The following LINGO2 variants were observed in gnomAD, a reference collection of about 807,000 sequenced individuals.
LINGO2 encodes leucine rich repeat and Ig domain containing 2, also known as leucine-rich repeat and immunoglobulin-like domain-containing nogo receptor-interacting protein 2.
In LINGO2, 14 loss-of-function variants were observed where a neutral mutation model predicts 30.6. That is an observed-to-expected ratio of 0.46 (90% confidence interval 0.30 to 0.72). The LOEUF (loss-of-function observed/expected upper bound fraction) is 0.72. Ranked by LOEUF, LINGO2 falls within the 30% of genes least tolerant of loss-of-function variation. LINGO2 has a pLI of 0.07. For synonymous variants in LINGO2, 317 were observed against 288.5 expected (o/e 1.10, Z -1.00); for missense variants, 729 against 751.7 (o/e 0.97, Z 0.35).
chr9:28,967,407 G>C, the LINGO2 span, among the ~76,000 whole-genome samples: 1 of 152,160 alleles, frequency 6.6e-6, no homozygotes, highest in Non-Finnish European at 1.5e-5. Flanking sequence ...CTAGGGGACT[G>C]AAGAAAATGA....
chr9:28,703,611 T>G, the LINGO2 span, among the ~76,000 whole-genome samples: 1 of 151,920 alleles, frequency 6.6e-6, no homozygotes, highest in African/African-American at 2.4e-5. Flanking sequence ...TTACAAGTGA[T>G]TAATTAATGG....
chr9:28,057,023 A>T (rs1169418620), intron 4 of LINGO2, among the ~76,000 whole-genome samples: 1 of 152,168 alleles, frequency 6.6e-6, no homozygotes, highest in African/African-American at 2.4e-5. Flanking sequence ...AAAATAACTA[A>T]AGAGTACCAA....
Position 27,949,142 on chromosome 9 carries a change from A to G in LINGO2, c.1530T>C (p.Tyr510=), listed in dbSNP as rs777523147. 2.5e-6 allele frequency: 4 copies of G among 1,614,028 alleles called. No individual in the cohort carries two copies. In the South Asian group the frequency reaches 3.3e-5, roughly 13 times the overall value. ...TCATGTACATAGGGGTCCTGTTCGC[A>G]TAAAGAAAACGATCTGAAGCGAATC... The change falls in exon 6 of 6, where the codon TAT becomes TAC. Residue 510 remains tyrosine (Y), a synonymous_variant. Transcript: ENST00000379992.
In LINGO2 at chr9:28,545,442, G is replaced by T. The variant is rs568351699; in HGVS notation, c.-364-69417C>A. On this transcript the variant is annotated intron_variant, in intron 1 of 5. Coordinates refer to ENST00000379992, the Ensembl canonical transcript of LINGO2. ...GGTTACCCATTTGCAACTTATGAAAGAGAGCAAAGGTAAGGGATCTGCAAA... is the reference window on the plus strand; with the variant it reads ...GGTTACCCATTTGCAACTTATGAAATAGAGCAAAGGTAAGGGATCTGCAAA... Among the ~76,000 whole-genome samples the T allele has an allele frequency of 1.1e-4, 17 of 152,158 alleles. No individual in the cohort carries two copies. In the South Asian group the frequency reaches 3.3e-3, roughly 30 times the overall value.
chr9:28,177,321 T>C (rs1157810190), intron 4 of LINGO2, among the ~76,000 whole-genome samples: 2 of 152,174 alleles, frequency 1.3e-5, no homozygotes, highest in Non-Finnish European at 1.5e-5. Context: ...CATTTGGAAC[T>C]GGCCAAAGTT....
chr9:28,295,418 T>C (rs1823887276), intron 3 of LINGO2, 52 bp from the exon 6 acceptor site: 1 of 152,534 alleles, frequency 6.6e-6, no homozygotes, highest in Admixed American at 6.6e-5. Flanking sequence ...GTGAACCGTG[T>C]CCTAGGTCCA....
intron 2 of LINGO2, among the ~76,000 whole-genome samples, chr9:28,461,729 AT>A: frequency 6.6e-6 from 1 of 152,254 alleles, no homozygotes; most frequent in African/African-American, 2.4e-5. Context: ...TGAGAGTCTA[AT>A]ATGGACAAAA....
Position 28,303,141 on chromosome 9 carries a change from C to T in LINGO2, c.-245-7775G>A, listed in dbSNP as rs138953222. Among the ~76,000 whole-genome samples, 21 of 152,240 alleles carry T rather than the reference C, an allele frequency of 1.4e-4. No homozygotes were observed. In the East Asian group the frequency reaches 4.1e-3, roughly 29 times the overall value. On this transcript the variant is annotated intron_variant, in intron 3 of 5. Transcript: ENST00000379992. ...ACTATATTCCACTTTATCCCAATATCAGGTATATACAGACAAAATACAAGA... is the reference window on the plus strand; with the variant it reads ...ACTATATTCCACTTTATCCCAATATTAGGTATATACAGACAAAATACAAGA...
At chr9:27,979,624 G>C (rs1189401143) in intron 5 of LINGO2, among the ~76,000 whole-genome samples, 1 of 151,840 alleles carries the variant, frequency 6.6e-6, no homozygotes, top group Non-Finnish European at 1.5e-5. Flanking sequence ...AAGGAAAATA[G>C]AGGTATGGAA....
At chr9:29,053,271 G>T in the LINGO2 span, among the ~76,000 whole-genome samples, 4 of 152,096 alleles carry the variant, frequency 2.6e-5, no homozygotes, top group Non-Finnish European at 5.9e-5. Context: ...AAGTTCAGTT[G>T]GGCTTTTAAA....
intron 4 of LINGO2, among the ~76,000 whole-genome samples, chr9:28,228,701 A>G (rs1821255261): frequency 6.6e-6 from 1 of 151,906 alleles, no homozygotes. Flanking sequence ...TTAAATCTAA[A>G]CAATCACAAA....
chr9:29,187,780 AT>A, the LINGO2 span, among the ~76,000 whole-genome samples: 8,918 of 118,822 alleles, frequency 0.075, 225 homozygotes, highest in African/African-American at 0.11. Context: ...ATACATTTCA[AT>A]TTTTTTTTTT....
At chr9:28,758,904 A>ATC in the LINGO2 span, among the ~76,000 whole-genome samples, 1 of 152,078 alleles carries the variant, frequency 6.6e-6, no homozygotes, top group African/African-American at 2.4e-5. Context: ...GAGATTACCA[A>ATC]TCCTGTGAAA....
chr9:28,317,123 C>T (rs1223696514), intron 3 of LINGO2, among the ~76,000 whole-genome samples: 1 of 152,094 alleles, frequency 6.6e-6, no homozygotes, highest in African/African-American at 2.4e-5. Flanking sequence ...TCTTCTGTTT[C>T]ACAGAACAAT....
At chr9:28,868,396 A>G in the LINGO2 span, among the ~76,000 whole-genome samples, 1 of 151,924 alleles carries the variant, frequency 6.6e-6, no homozygotes, top group Non-Finnish European at 1.5e-5. Context: ...ATAGTGAGTG[A>G]GTGAGTGAGC....
intron 2 of LINGO2, among the ~76,000 whole-genome samples, chr9:28,375,122 ACACACACACACATACAC>A (rs896472721): frequency 1.9e-5 from 2 of 106,918 alleles, no homozygotes; most frequent in Non-Finnish European, 4.3e-5. Flanking sequence ...ACACACACAC[ACACACACACACATACAC>A]CCCACACTAA....
the LINGO2 span, among the ~76,000 whole-genome samples, chr9:29,112,866 A>G: frequency 2.0e-5 from 3 of 152,208 alleles, no homozygotes; most frequent in African/African-American, 7.2e-5. Context: ...AAATTATGCT[A>G]CAATCTTTCT....
intron 1 of LINGO2, among the ~76,000 whole-genome samples, chr9:28,520,105 C>A (rs1336696751): frequency 2.6e-5 from 4 of 152,158 alleles, no homozygotes; most frequent in African/African-American, 9.6e-5. Flanking sequence ...TCAACATAAA[C>A]ATCACATGAT....
At chr9:28,503,510 C>T (rs1819977985) in intron 1 of LINGO2, among the ~76,000 whole-genome samples, 1 of 151,810 alleles carries the variant, frequency 6.6e-6, no homozygotes, top group Admixed American at 6.6e-5. Flanking sequence ...AATCAAAAGG[C>T]TTCTTTTATT....
Sources: gnomAD v4.1 joint callset for allele counts (sites outside exome capture counted in the v4.1 genomes callset) on GRCh38, gnomAD v4.1.1 for gene constraint, MANE v1.5 for transcripts, NCBI Gene and HGNC (gene_info 2026-07-23, HGNC 2026-07-21) for gene names.